The following KIF27 variants were observed in gnomAD, a reference collection of about 807,000 sequenced individuals.
KIF27 encodes the protein kinesin-like protein KIF27.
In KIF27, 84 loss-of-function variants were observed where a neutral mutation model predicts 141.8. The observed-to-expected ratio is 0.59, with a 90% CI of 0.50 to 0.71. The LOEUF is 0.71. Among genes scored for constraint, KIF27 ranks in the 30% least tolerant of loss-of-function variants. The probability of loss-of-function intolerance (pLI) is 0.00; values close to 1 mark genes in which losing one functional copy is unlikely to be tolerated. For missense variants in KIF27, 1,306 were observed against 1,628.4 expected (o/e 0.80, Z 3.41); for synonymous variants, 471 against 569.5 (o/e 0.83, Z 2.46).
Position 83,848,345 on chromosome 9 carries a change from G to A in KIF27, c.3556+1754C>T, listed in dbSNP as rs1192003578. 4.3e-4 allele frequency among the ~76,000 whole-genome samples: 54 copies of A among 124,918 alleles called. 1 individual carries two copies. Among genetic ancestry groups the A allele is most frequent in the Admixed American group, 6.9e-4 (8 of 11,640 alleles). The allele number at this position is 124,918 out of a possible 152,430, so 82.0% of individuals were successfully genotyped here. A position where few individuals can be genotyped will look rare whatever the true frequency, so the allele number is the denominator to read the frequency against. On this transcript the variant is annotated intron_variant, in intron 16 of 17. Coordinates refer to ENST00000297814, the MANE Select transcript of KIF27 (RefSeq NM_017576.4). ...TATCTATATATCTATATATATCTAT[G>A]TATCTATATATATCTACATATATCT... is the stretch of plus-strand genomic sequence containing the variant.
At chr9:83,837,532 A>G in intron 17 of KIF27, 47 bp from the exon 18 acceptor site, 8 of 1,524,692 alleles carry the variant, frequency 5.2e-6, no homozygotes, top group Non-Finnish European at 7.0e-6. Flanking sequence ...TTTCCTCAAA[A>G]TTAGGTATTT....
At chr9:83,859,616 C>T (rs28592017) in intron 13 of KIF27, 130,750 of 407,550 alleles carry the variant, frequency 0.32, 21,432 homozygotes, top group African/African-American at 0.42. Context: ...ACTGCAACCT[C>T]CGCTTCCCAG....
At chr9:83,844,348 A>G (rs556261927) in intron 16 of KIF27, among the ~76,000 whole-genome samples, 1 of 106,640 alleles carries the variant, frequency 9.4e-6, no homozygotes, top group Non-Finnish European at 2.0e-5. Context: ...ATTTATATAG[A>G]TATCTATATC....
chr9:83,886,065 G>C (rs75622537), intron 9 of KIF27, among the ~76,000 whole-genome samples: 2,081 of 141,118 alleles, frequency 0.015, no homozygotes, highest in African/African-American at 0.059. Context: ...CTCCAGTTAT[G>C]CAGATGTTTA....
At chr9:83,917,126 T>C (rs530938463) in intron 1 of KIF27, among the ~76,000 whole-genome samples, 205 of 150,320 alleles carry the variant, frequency 1.4e-3, no homozygotes, top group Non-Finnish European at 2.5e-3. Context: ...ATGCTATCCC[T>C]CCCCCCTTCC....
At chr9:83,852,849 C>T (rs1185971546) in intron 15 of KIF27, among the ~76,000 whole-genome samples, 1 of 152,142 alleles carries the variant, frequency 6.6e-6, no homozygotes, top group African/African-American at 2.4e-5. Flanking sequence ...AAGTGATTCT[C>T]TTGACTCAGC....
At chr9:83,893,887 G>C (rs1373743358) in intron 5 of KIF27, among the ~76,000 whole-genome samples, 3 of 150,942 alleles carry the variant, frequency 2.0e-5, no homozygotes, top group Admixed American at 6.6e-5. Context: ...GAAACTGCAA[G>C]AAAAAAAAGT....
intron 2 of KIF27, among the ~76,000 whole-genome samples, chr9:83,911,504 C>T (rs957238834): frequency 2.0e-5 from 3 of 152,142 alleles, no homozygotes; most frequent in African/African-American, 4.8e-5. Context: ...GCTGAGCTTA[C>T]AGGCGTGAGC....
chr9:83,898,339 C>T (rs1334228038), intron 5 of KIF27, among the ~76,000 whole-genome samples: 1 of 152,068 alleles, frequency 6.6e-6, no homozygotes, highest in Non-Finnish European at 1.5e-5. Flanking sequence ...CAATGTTCAA[C>T]AAAAGCAGCC....
At chr9:83,862,405 T>C (rs1226817058) in intron 13 of KIF27, among the ~76,000 whole-genome samples, 1 of 152,258 alleles carries the variant, frequency 6.6e-6, no homozygotes, top group Non-Finnish European at 1.5e-5. Context: ...GCTAGCCAGT[T>C]TTCCCAGCAC....
intron 11 of KIF27, 76 bp from the exon 12 acceptor site, chr9:83,870,708 T>TC (rs373822033): frequency 3.1e-5 from 6 of 196,644 alleles, no homozygotes; most frequent in African/African-American, 1.4e-4. Context: ...AATTATTTTC[T>TC]TTTTTTTTTT....
chr9:83,850,339 A>T (rs1948402344), intron 15 of KIF27, 42 bp from the exon 16 acceptor site: 1 of 1,183,480 alleles, frequency 8.4e-7, no homozygotes, highest in Non-Finnish European at 1.2e-6. Context: ...TGTCTTAGAT[A>T]AGCTAATATA....
chr9:83,837,149 A>T lies in KIF27; in HGVS notation c.4058T>A (p.Val1353Asp). 1 of 1,614,162 alleles carries T rather than the reference A, an allele frequency of 6.2e-7. No individual in the cohort carries two copies. The highest frequency in any genetic ancestry group is 1.7e-5 in the Admixed American group (1 of 60,020). Reference protein sequence around the residue: ...VVGNVGRLHGVTPVKLCRKEL... With the variant: ...VVGNVGRLHGDTPVKLCRKEL... Reference sequence around the variant, plus strand: ...TTTTCGACACAGTTTTACAGGTGTGACACCATGAAGTCGTCCCACATTTCC... The same window carrying T: ...TTTTCGACACAGTTTTACAGGTGTGTCACCATGAAGTCGTCCCACATTTCC... The change falls in exon 18 of 18, where the codon GTC (valine) becomes GAC (aspartate). Residue 1353 changes from valine (V) to aspartate (D), a missense_variant. This residue lies in a region of KIF27 where 148 missense variants were observed against 250.9 expected (regional missense o/e 0.59). Transcript: ENST00000297814.
In KIF27 at chr9:83,900,104, G is replaced by C. The variant is rs573644966; in HGVS notation, c.1459-300C>G. ...CCTTCACTAAGATTTTTACAAGTTTGCTAGAACTGCTATGAGATTTTAATG... is the reference window on the plus strand; with the variant it reads ...CCTTCACTAAGATTTTTACAAGTTTCCTAGAACTGCTATGAGATTTTAATG... On this transcript the variant is annotated intron_variant, in intron 4 of 17. Coordinates refer to ENST00000297814, the MANE Select transcript of KIF27 (RefSeq NM_017576.4). Among the ~76,000 whole-genome samples the C allele has an allele frequency of 3.2e-4, 49 of 152,216 alleles. No individual in the cohort carries two copies. The South Asian group carries it at 0.01, about 32-fold the overall frequency.
intron 1 of KIF27, among the ~76,000 whole-genome samples, chr9:83,917,669 A>G (rs1310605615): frequency 6.6e-6 from 1 of 152,222 alleles, no homozygotes; most frequent in African/African-American, 2.4e-5. Context: ...TGGGCAAGTG[A>G]TTTTCAACAA....
intron 5 of KIF27, among the ~76,000 whole-genome samples, chr9:83,896,964 T>C (rs1416590866): frequency 3.3e-5 from 5 of 152,166 alleles, no homozygotes; most frequent in African/African-American, 1.2e-4. Context: ...TATTTTCATT[T>C]TCATTTTGGG....
At chr9:83,843,768 TAG>T (rs1946865227) in intron 16 of KIF27, among the ~76,000 whole-genome samples, 1 of 152,166 alleles carries the variant, frequency 6.6e-6, no homozygotes, top group Non-Finnish European at 1.5e-5. Flanking sequence ...TTGCCCAGGG[TAG>T]AGTGTGTAGT....
intron 9 of KIF27, among the ~76,000 whole-genome samples, chr9:83,886,358 T>C (rs899212713): frequency 1.3e-5 from 2 of 152,130 alleles, no homozygotes; most frequent in African/African-American, 4.8e-5. Flanking sequence ...AAGACCCTTT[T>C]CTTGCTCATT....
At chr9:83,885,828 A>C (rs1369049493) in intron 9 of KIF27, among the ~76,000 whole-genome samples, 2 of 152,074 alleles carry the variant, frequency 1.3e-5, no homozygotes, top group Non-Finnish European at 2.9e-5. Flanking sequence ...TTTTTTTTGC[A>C]GTGTATTAGA....
Sources: allele counts gnomAD v4.1 joint callset (sites outside exome capture counted in the v4.1 genomes callset), GRCh38; gene constraint gnomAD v4.1.1; regional missense constraint gnomAD v4.1.1; transcripts MANE v1.5; gene names NCBI Gene and HGNC (gene_info 2026-07-23, HGNC 2026-07-21).